ARMC9: variants seen among roughly 807,000 people sequenced by gnomAD.
ARMC9 encodes armadillo repeat containing 9.
Under a neutral mutation model 107.0 loss-of-function variants are expected in ARMC9, and 94 were observed. The observed-to-expected ratio is 0.88, with a 90% confidence interval of 0.74 to 1.04. The LOEUF (loss-of-function observed/expected upper bound fraction) is 1.04, where lower values mean the gene tolerates loss of function less well. Ranked by LOEUF, ARMC9 falls within the 50% of genes least tolerant of loss-of-function variation. The pLI is 0.00. For missense variants in ARMC9, 942 were observed against 1,030.1 expected (o/e 0.91, Z 1.17); for synonymous variants, 380 against 396.9 (o/e 0.96, Z 0.51).
At chr2:231,281,655 A>G (rs1574935313) in intron 16 of ARMC9, among the ~76,000 whole-genome samples, 1 of 152,310 alleles carries the variant, frequency 6.6e-6, no homozygotes. Flanking sequence ...CTGAACAAGG[A>G]CAGTAGCAGT....
Position 231,235,803 on chromosome 2 carries a change from C to T in ARMC9, c.780+422C>T, listed in dbSNP as rs1409344995. On this transcript the variant is annotated intron_variant, in intron 8 of 24. Transcript: ENST00000611582. Reference sequence around the variant, plus strand: ...GATTACAGGCATGTGCCACCACACCCAGTTAATTTTGCATTTTTAGTAGAG... The same window carrying T: ...GATTACAGGCATGTGCCACCACACCTAGTTAATTTTGCATTTTTAGTAGAG... Among the ~76,000 whole-genome samples, 3 of 152,252 alleles carry T rather than the reference C, an allele frequency of 2.0e-5. No individual in the cohort carries two copies. The East Asian group carries it at 5.8e-4, about 29-fold the overall frequency.
chr2:231,360,971 C>T lies in ARMC9; in HGVS notation c.2261+88C>T. 1 of 1,437,302 alleles carries T rather than the reference C, an allele frequency of 7.0e-7. No individual in the cohort carries two copies. The highest frequency in any genetic ancestry group is 2.5e-5 in the East Asian group (1 of 40,178). 89.0% of individuals were successfully genotyped at this position (1,437,302 alleles called of 1,614,324 possible). On this transcript the variant is annotated intron_variant, in intron 23 of 24. Transcript: ENST00000611582. This position sits in a 1 kb window ranked among gnomAD's most constrained non-coding sequence, Gnocchi z 4.7. ...GCCGGATGCAGAGCACCCAGGAGAC[C>T]TGGAAGGCTCCTCTGAGGCCCAGCC...
At chr2:231,246,980 C>T (rs1010193080) in intron 9 of ARMC9, among the ~76,000 whole-genome samples, 3 of 151,168 alleles carry the variant, frequency 2.0e-5, no homozygotes, top group South Asian at 2.1e-4. Flanking sequence ...TTTTTAAGAC[C>T]GAGTCTCGCT....
rs546068591 is a variant in ARMC9, at chr2:231,360,588, C to T, written c.2132-166C>T. Among the ~76,000 whole-genome samples the T allele has an allele frequency of 1.4e-4, 22 of 152,276 alleles. No individual in the cohort carries two copies. The highest frequency in any genetic ancestry group is 4.8e-4 in the African/African-American group (20 of 41,554). On this transcript the variant is annotated intron_variant, in intron 22 of 24. Coordinates refer to ENST00000611582, the MANE Select transcript of ARMC9 (RefSeq NM_001352754.2). The surrounding 1 kb of genome is among the most constrained non-coding windows in gnomAD (Gnocchi z 4.7). ...CATCCCCCGCTACCTGGCAAGTTCC[C>T]GGGCTGCACGAGTAAACAAGTATCC...
chr2:231,200,330 ACT>A (rs1470133649), intron 1 of ARMC9, among the ~76,000 whole-genome samples: 5 of 151,822 alleles, frequency 3.3e-5, no homozygotes, highest in African/African-American at 1.2e-4. Flanking sequence ...CTTACTAGAC[ACT>A]CTGTTAGGTT....
chr2:231,308,398 C>A (rs10169399), intron 19 of ARMC9, among the ~76,000 whole-genome samples: 39,773 of 152,016 alleles, frequency 0.26, 5,499 homozygotes, highest in Non-Finnish European at 0.29. Context: ...CCCAGGCTGG[C>A]GTGAGAGCCT....
intron 19 of ARMC9, among the ~76,000 whole-genome samples, chr2:231,299,482 G>A (rs1490463317): frequency 1.3e-5 from 2 of 152,188 alleles, no homozygotes; most frequent in African/African-American, 2.4e-5. Flanking sequence ...ACTAGGACAC[G>A]GGGTTTAGTG....
intron 21 of ARMC9, among the ~76,000 whole-genome samples, chr2:231,346,567 AT>A (rs2044825779): frequency 6.6e-6 from 1 of 152,136 alleles, no homozygotes; most frequent in Non-Finnish European, 1.5e-5. Flanking sequence ...TTCAATTAAC[AT>A]TTGTGTGCCC....
chr2:231,305,342 G>C (rs893019566), intron 19 of ARMC9, among the ~76,000 whole-genome samples: 2 of 152,176 alleles, frequency 1.3e-5, no homozygotes, highest in African/African-American at 4.8e-5. Flanking sequence ...TTTGTTCCAG[G>C]ATAAACCATG....
At chr2:231,323,905 G>A (rs2043141270) in intron 19 of ARMC9, among the ~76,000 whole-genome samples, 1 of 152,114 alleles carries the variant, frequency 6.6e-6, no homozygotes, top group Non-Finnish European at 1.5e-5. Context: ...TGTTGCACTA[G>A]AGAAACTGAG....
rs554156249 is a variant in ARMC9 at position 231,313,922 on chromosome 2, AT to A, written c.1773+17687del. On this transcript the variant is annotated intron_variant, in intron 19 of 24. Transcript: ENST00000611582. ...AGGTGTGTGCCACCACTTCTGCCTA[AT>A]TTTTTTTTTTTTTTTTTGGTAGGAC... Among the ~76,000 whole-genome samples, 1,251 of 130,268 alleles carry A rather than the reference AT, an allele frequency of 9.6e-3. 8 individuals carry two copies. Among genetic ancestry groups the A allele is most frequent in the African/African-American group, 0.028 (992 of 35,144 alleles). 85.5% of individuals were successfully genotyped at this position (130,268 alleles called of 152,430 possible).
At chr2:231,244,362 A>T (rs1191404134) in intron 9 of ARMC9, among the ~76,000 whole-genome samples, 1 of 147,476 alleles carries the variant, frequency 6.8e-6, no homozygotes, top group Non-Finnish European at 1.5e-5. Flanking sequence ...GAGAATGTGG[A>T]TCTTTTTTTT....
chr2:231,361,215 T>G (rs1260466261), intron 23 of ARMC9, among the ~76,000 whole-genome samples: 1 of 152,024 alleles, frequency 6.6e-6, no homozygotes, highest in African/African-American at 2.4e-5. Context: ...CTGTCAGCTT[T>G]TTGCATTTGG....
chr2:231,285,236 T>C (rs2040505281), intron 17 of ARMC9, among the ~76,000 whole-genome samples: 1 of 152,012 alleles, frequency 6.6e-6, no homozygotes, highest in African/African-American at 2.4e-5. Flanking sequence ...TGGTCAAACA[T>C]CAGCTTTAAT....
chr2:231,334,775 C>T (rs922697485), intron 20 of ARMC9, among the ~76,000 whole-genome samples: 1 of 152,184 alleles, frequency 6.6e-6, no homozygotes, highest in African/African-American at 2.4e-5. Context: ...GCCTGCCAGC[C>T]TCTGTGTGCC....
intron 3 of ARMC9, among the ~76,000 whole-genome samples, chr2:231,213,406 C>T (rs1194996045): frequency 1.3e-5 from 2 of 151,756 alleles, no homozygotes; most frequent in African/African-American, 2.4e-5. Context: ...AAACGATCTG[C>T]CCACTTTGGC....
At chr2:231,310,957 T>C (rs1393561716) in intron 19 of ARMC9, among the ~76,000 whole-genome samples, 3 of 151,756 alleles carry the variant, frequency 2.0e-5, no homozygotes. Flanking sequence ...TGAGACCTCA[T>C]CTCTACAAAA....
chr2:231,349,328 C>G (rs187396045), intron 21 of ARMC9, among the ~76,000 whole-genome samples: 70 of 152,180 alleles, frequency 4.6e-4, no homozygotes, highest in Middle Eastern at 3.4e-3. Context: ...AAGCCAGGCA[C>G]AGAAAGTCAA....
In ARMC9 at chr2:231,278,313, TCTAC is replaced by T; in HGVS notation, c.1475-66_1475-63del. On this transcript the variant is annotated intron_variant, in intron 15 of 24. Coordinates refer to ENST00000611582, the MANE Select transcript of ARMC9 (RefSeq NM_001352754.2). The stretch of plus-strand genomic sequence containing the variant: ...AGAGGAGCCAAGATTTGTCTCCAAG[TCTAC>T]CTGACCTAAAATTGTGCTTCTGGGT... 2.0e-6 allele frequency: 3 copies of T among 1,509,182 alleles called. No homozygotes were observed. In the East Asian group the frequency reaches 6.8e-5, roughly 34 times the overall value. The allele number at this position is 1,509,182 out of a possible 1,614,324, so 93.5% of individuals were successfully genotyped here. A position where few individuals can be genotyped will look rare whatever the true frequency, so the allele number is the denominator to read the frequency against.
Sources: allele counts gnomAD v4.1 joint callset (sites outside exome capture counted in the v4.1 genomes callset), GRCh38; gene constraint gnomAD v4.1.1; non-coding constraint Gnocchi (gnomAD v3.1); transcripts MANE v1.5; gene names NCBI Gene and HGNC (gene_info 2026-07-23, HGNC 2026-07-21).